PHF21A: variants seen among roughly 807,000 people sequenced by gnomAD.
The protein encoded by PHF21A is BHC80a.
In PHF21A, 11 loss-of-function variants were observed where a neutral mutation model predicts 82.5. The observed-to-expected ratio is 0.13, with a 90% CI of 0.08 to 0.22. The LOEUF is 0.22. Ranked by LOEUF, PHF21A falls within the 10% of genes least tolerant of loss-of-function variation. PHF21A has a pLI of 1.00. For missense variants in PHF21A, 579 were observed against 837.8 expected (o/e 0.69, Z 3.81); for synonymous variants, 297 against 302.8 (o/e 0.98, Z 0.20).
intron 1 of PHF21A, chr11:46,120,428 A>C (rs1269990756): frequency 7.6e-6 from 1 of 131,616 alleles, no homozygotes; most frequent in African/African-American, 2.8e-5. Flanking sequence ...CCGCCGGGAC[A>C]ATGTGACGCC....
chr11:46,089,243 T>C (rs1289649146), intron 3 of PHF21A, among the ~76,000 whole-genome samples: 1 of 152,200 alleles, frequency 6.6e-6, no homozygotes, highest in Non-Finnish European at 1.5e-5. Context: ...TGCTTAATAT[T>C]TGAATATCAG....
chr11:46,083,767 CAT>C (rs2096822944), intron 4 of PHF21A, among the ~76,000 whole-genome samples: 1 of 152,132 alleles, frequency 6.6e-6, no homozygotes, highest in Admixed American at 6.5e-5. Context: ...GGAATCAACG[CAT>C]AAAGCTGAGT....
intron 6 of PHF21A, among the ~76,000 whole-genome samples, chr11:46,052,309 G>T (rs1778394316): frequency 6.6e-6 from 1 of 152,220 alleles, no homozygotes; most frequent in Admixed American, 6.5e-5. Flanking sequence ...AAAAGAGGGA[G>T]AAAGTGTCCT....
chr11:46,004,846 T>C (rs2095253714), intron 6 of PHF21A, among the ~76,000 whole-genome samples: 1 of 152,184 alleles, frequency 6.6e-6, no homozygotes, highest in Non-Finnish European at 1.5e-5. Context: ...TCCCATTCAC[T>C]ACACACATAC....
intron 7 of PHF21A, among the ~76,000 whole-genome samples, chr11:45,976,952 A>G (rs1036415795): frequency 6.6e-5 from 10 of 152,222 alleles, no homozygotes; most frequent in African/African-American, 2.4e-4. Context: ...TTTGCATTAA[A>G]TAAAACAATA....
At chr11:45,939,771 CAAAAAAAAAA>C (rs56931455) in intron 15 of PHF21A, among the ~76,000 whole-genome samples, 1 of 60,386 alleles carries the variant, frequency 1.7e-5, no homozygotes, top group Non-Finnish European at 3.1e-5. Context: ...GAACATAGCC[CAAAAAAAAAA>C]AAAAAAAAAA....
chr11:46,092,551 A>T (rs2096937770), intron 1 of PHF21A, among the ~76,000 whole-genome samples: 1 of 152,174 alleles, frequency 6.6e-6, no homozygotes. Context: ...CTTCATCCCC[A>T]ACAAGTGACC....
intron 6 of PHF21A, among the ~76,000 whole-genome samples, chr11:46,012,782 T>C (rs937541598): frequency 6.6e-6 from 1 of 152,170 alleles, no homozygotes; most frequent in Non-Finnish European, 1.5e-5. Context: ...GCCAAACTCA[T>C]TGTCTTCCCT....
chr11:46,092,910 C>T (rs374935586), intron 1 of PHF21A, among the ~76,000 whole-genome samples: 2 of 152,000 alleles, frequency 1.3e-5, no homozygotes, highest in South Asian at 2.1e-4. Flanking sequence ...AGTGTGCCAC[C>T]ATGCCTGGCT....
In PHF21A at chr11:46,018,777, G is replaced by A. The variant is rs563622117; in HGVS notation, c.154-38811C>T. On this transcript the variant is annotated intron_variant, in intron 6 of 18. Transcript: ENST00000676320. ...TAGTTGTAGAAAAAATGATGATGCT[G>A]TACCAAGAATAACTGTAGGTAGGAG... 3.3e-5 allele frequency among the ~76,000 whole-genome samples: 5 copies of A among 152,234 alleles called. No homozygotes were observed. The East Asian group carries it at 9.6e-4, about 29-fold the overall frequency.
At chr11:45,951,170 A>G (rs1286639654) in intron 11 of PHF21A, among the ~76,000 whole-genome samples, 1 of 152,256 alleles carries the variant, frequency 6.6e-6, no homozygotes, top group Non-Finnish European at 1.5e-5. Flanking sequence ...TACTGCATGC[A>G]GTTTCTAAAT....
At chr11:46,085,580 A>C (rs1212050294) in intron 3 of PHF21A, among the ~76,000 whole-genome samples, 1 of 152,174 alleles carries the variant, frequency 6.6e-6, no homozygotes, top group Admixed American at 6.5e-5. Context: ...TCTTCTTTGC[A>C]CCTATAAAGC....
At chr11:46,094,824 C>T (rs1354739572) in intron 1 of PHF21A, among the ~76,000 whole-genome samples, 3 of 152,092 alleles carry the variant, frequency 2.0e-5, no homozygotes, top group Non-Finnish European at 2.9e-5. Context: ...CACTTGAACC[C>T]GGGAGGCAGA....
Position 45,960,372 on chromosome 11 carries a change from G to C in PHF21A, c.996+4943C>G, listed in dbSNP as rs574855899. ...GAATATTATTCAGCCATTTAAAATA[G>C]AAGGGGGCACTGATATGTATTACCA... On this transcript the variant is annotated intron_variant, in intron 10 of 18. Coordinates refer to ENST00000676320, the MANE Select transcript of PHF21A (RefSeq NM_001352027.3). 6.6e-4 allele frequency among the ~76,000 whole-genome samples: 101 copies of C among 152,278 alleles called. 1 individual carries two copies. Among genetic ancestry groups the C allele is most frequent in the Non-Finnish European group, 1.3e-3 (87 of 68,016 alleles).
At chr11:46,102,882 C>T (rs1205602880) in intron 1 of PHF21A, among the ~76,000 whole-genome samples, 2 of 152,160 alleles carry the variant, frequency 1.3e-5, no homozygotes, top group African/African-American at 4.8e-5. Flanking sequence ...CTAATAATTA[C>T]AACAGTGTTT....
intron 6 of PHF21A, among the ~76,000 whole-genome samples, chr11:45,982,278 T>C (rs1230149010): frequency 1.3e-5 from 2 of 152,082 alleles, no homozygotes; most frequent in Non-Finnish European, 2.9e-5. Context: ...AGAAAAATAT[T>C]TTTATTATTG....
intron 6 of PHF21A, among the ~76,000 whole-genome samples, chr11:46,032,250 T>C (rs2095879670): frequency 6.6e-6 from 1 of 152,138 alleles, no homozygotes; most frequent in African/African-American, 2.4e-5. Context: ...TCATTTAATT[T>C]TTTTCAAGAA....
chr11:46,025,409 T>G (rs2095720128), intron 6 of PHF21A, among the ~76,000 whole-genome samples: 1 of 152,240 alleles, frequency 6.6e-6, no homozygotes, highest in Admixed American at 6.5e-5. Flanking sequence ...ATCCCCTTTC[T>G]TCCTGCTTTA....
At chr11:46,021,500 CAA>C (rs1238257200) in intron 6 of PHF21A, among the ~76,000 whole-genome samples, 1 of 152,128 alleles carries the variant, frequency 6.6e-6, no homozygotes, top group Non-Finnish European at 1.5e-5. Context: ...AGAAAGCAAT[CAA>C]AGAGACCCTT....
Sources: gnomAD v4.1 joint callset for allele counts (sites outside exome capture counted in the v4.1 genomes callset) on GRCh38, gnomAD v4.1.1 for gene constraint, MANE v1.5 for transcripts, NCBI Gene and HGNC (gene_info 2026-07-23, HGNC 2026-07-21) for gene names.